NETO1: variants seen among roughly 807,000 people sequenced by gnomAD.
NETO1 encodes the protein neuropilin and tolloid-like protein 1.
NETO1 carries 26 observed loss-of-function variants against 61.3 expected under a neutral mutation model. That is an observed-to-expected ratio of 0.42 (90% confidence interval 0.31 to 0.59). The LOEUF (loss-of-function observed/expected upper bound fraction) is 0.59, where lower values mean the gene tolerates loss of function less well. Ranked by LOEUF, NETO1 falls within the 20% of genes least tolerant of loss-of-function variation. The pLI is 0.12. For synonymous variants in NETO1, 225 were observed against 225.8 expected, an observed-to-expected ratio of 1.00 and a Z score of 0.03; for missense variants, 531 against 662.8, an observed-to-expected ratio of 0.80 and a Z score of 2.18.
chr18:72,796,170 T>C (rs1416738806), intron 4 of NETO1, among the ~76,000 whole-genome samples: 1 of 152,216 alleles, frequency 6.6e-6, no homozygotes, highest in Non-Finnish European at 1.5e-5. Context: ...TAAGACTACG[T>C]GTGCTAATAT....
At chr18:72,856,338 G>A (rs891301713) in intron 4 of NETO1, among the ~76,000 whole-genome samples, 17 of 152,082 alleles carry the variant, frequency 1.1e-4, no homozygotes, top group Middle Eastern at 3.2e-3. Flanking sequence ...AAAAAGTGAC[G>A]TAGTATAGGT....
chr18:72,864,569 C>A (rs1389644940), intron 3 of NETO1, among the ~76,000 whole-genome samples: 1 of 152,188 alleles, frequency 6.6e-6, no homozygotes, highest in Non-Finnish European at 1.5e-5. Context: ...AAAATAAACT[C>A]CTAAGTTGTT....
intron 4 of NETO1, among the ~76,000 whole-genome samples, chr18:72,851,227 C>T (rs1000242588): frequency 3.9e-5 from 6 of 152,162 alleles, no homozygotes; most frequent in African/African-American, 1.2e-4. Context: ...GCCTGATCAA[C>T]GTGGAGAAAC....
chr18:72,766,218 A>ATG (rs1491112327), intron 7 of NETO1, among the ~76,000 whole-genome samples: 6 of 75,300 alleles, frequency 8.0e-5, no homozygotes, highest in South Asian at 6.4e-4. Flanking sequence ...AAAAAAAAAA[A>ATG]TATGTGTGTG....
chr18:72,752,356 T>C (rs868465454), intron 8 of NETO1, among the ~76,000 whole-genome samples: 1 of 152,216 alleles, frequency 6.6e-6, no homozygotes, highest in Middle Eastern at 3.4e-3. Context: ...ACAGAGGTGA[T>C]AGCTAAATAG....
intron 4 of NETO1, among the ~76,000 whole-genome samples, chr18:72,829,092 C>G (rs1371812010): frequency 6.6e-6 from 1 of 152,026 alleles, no homozygotes; most frequent in Non-Finnish European, 1.5e-5. Context: ...TACAGCACAA[C>G]TTATATTAGA....
At chr18:72,748,415 C>T (rs148107735) in intron 10 of NETO1, 127 of 386,364 alleles carry the variant, frequency 3.3e-4, no homozygotes, top group South Asian at 1.3e-3. Context: ...TCGATGTACA[C>T]GTAGACAACT....
At chr18:72,774,061 C>G (rs141602243) in intron 7 of NETO1, among the ~76,000 whole-genome samples, 1 of 152,034 alleles carries the variant, frequency 6.6e-6, no homozygotes, top group Admixed American at 6.5e-5. Context: ...AAATTCCATA[C>G]GACCATAATG....
chr18:72,820,582 C>T (rs1002253469), intron 4 of NETO1, among the ~76,000 whole-genome samples: 3 of 152,144 alleles, frequency 2.0e-5, no homozygotes, highest in Non-Finnish European at 4.4e-5. Flanking sequence ...GCCACTTGGC[C>T]GGGGGGTGAT....
In NETO1 at chr18:72,814,920, A is replaced by G. The variant is rs538375954; in HGVS notation, c.470-20516T>C. On this transcript the variant is annotated intron_variant, in intron 4 of 10. Coordinates refer to ENST00000327305, the MANE Select transcript of NETO1 (RefSeq NM_138966.5). ...TAAAAATCTACCACCATAGGGACAG[A>G]GCTTATCAAAGAAAAAAAAATTTAA... is the stretch of plus-strand genomic sequence containing the variant. 1.9e-4 allele frequency among the ~76,000 whole-genome samples: 29 copies of G among 149,948 alleles called. No homozygotes were observed. The South Asian group carries it at 5.9e-3, about 30-fold the overall frequency.
At chr18:72,855,772 A>T (rs139743054) in intron 4 of NETO1, among the ~76,000 whole-genome samples, 4 of 152,344 alleles carry the variant, frequency 2.6e-5, no homozygotes, top group African/African-American at 9.6e-5. Context: ...GAACCAGGAG[A>T]CTGGACACTG....
intron 4 of NETO1, among the ~76,000 whole-genome samples, chr18:72,851,048 G>A (rs559881576): frequency 5.0e-4 from 76 of 152,242 alleles, no homozygotes; most frequent in Non-Finnish European, 7.8e-4. Flanking sequence ...GATGGAGTGG[G>A]AGGTGAGCGA....
intron 7 of NETO1, among the ~76,000 whole-genome samples, chr18:72,772,749 C>CTATATATA (rs1555684116): frequency 8.8e-4 from 24 of 27,140 alleles, no homozygotes; most frequent in Middle Eastern, 0.022. Context: ...ACACATCTCT[C>CTATATATA]TATATATATC....
At chr18:72,858,144 C>T (rs1040252229) in intron 4 of NETO1, among the ~76,000 whole-genome samples, 2 of 152,060 alleles carry the variant, frequency 1.3e-5, no homozygotes, top group Non-Finnish European at 2.9e-5. Flanking sequence ...ATGTGATATC[C>T]TATTTTTATT....
At chr18:72,785,818 T>C (rs1350747165) in intron 6 of NETO1, among the ~76,000 whole-genome samples, 1 of 152,208 alleles carries the variant, frequency 6.6e-6, no homozygotes, top group Admixed American at 6.5e-5. Context: ...ATCTTCTGTC[T>C]AGGAACCTCT....
chr18:72,826,479 A>G (rs188465944), intron 4 of NETO1, among the ~76,000 whole-genome samples: 38 of 151,712 alleles, frequency 2.5e-4, no homozygotes, highest in Non-Finnish European at 4.7e-4. Flanking sequence ...TATTCTGTTT[A>G]TATTTGTTAG....
intron 7 of NETO1, among the ~76,000 whole-genome samples, chr18:72,771,275 T>C (rs11664705): frequency 0.32 from 49,162 of 152,050 alleles, 8,568 homozygotes; most frequent in South Asian, 0.48. Context: ...GTAGAGCAAA[T>C]ATCCAGCTAA....
In NETO1 at chr18:72,835,355, G is replaced by T. The variant is rs1208644190; in HGVS notation, c.469+23471C>A. The T allele has an allele frequency of 3.2e-6, 5 of 1,543,256 alleles. No homozygotes were observed. The South Asian group carries it at 3.5e-5, about 11-fold the overall frequency. On this transcript the variant is annotated intron_variant, in intron 4 of 10. Transcript: ENST00000327305. ...AGAGGTAATTAAAGAAGTTTAATTA[G>T]ACCAGTATATGATCAGGCATGAATT... is the stretch of plus-strand genomic sequence containing the variant.
intron 6 of NETO1, among the ~76,000 whole-genome samples, chr18:72,784,596 G>A (rs930578419): frequency 6.6e-6 from 1 of 152,046 alleles, no homozygotes; most frequent in Non-Finnish European, 1.5e-5. Flanking sequence ...CCATTTTATT[G>A]TCATATTCAG....
Sources: allele counts gnomAD v4.1 joint callset (sites outside exome capture counted in the v4.1 genomes callset), GRCh38; gene constraint gnomAD v4.1.1; transcripts MANE v1.5; gene names NCBI Gene and HGNC (gene_info 2026-07-23, HGNC 2026-07-21).